FARP1: variants seen among roughly 807,000 people sequenced by gnomAD.
FARP1 encodes the protein FERM, ARH/RhoGEF and pleckstrin domain protein 1.
A neutral mutation model predicts 128.8 loss-of-function variants in FARP1; 52 were observed. That is an observed-to-expected ratio of 0.40 (90% CI 0.32 to 0.51). FARP1 has a LOEUF of 0.51. Among genes scored for constraint, FARP1 ranks in the 20% least tolerant of loss-of-function variants. FARP1 has a pLI of 0.45. For missense variants in FARP1, 1,333 were observed against 1,367.9 expected, an observed-to-expected ratio of 0.97 and a Z score of 0.40; for synonymous variants, 580 against 551.8, an observed-to-expected ratio of 1.05 and a Z score of -0.72.
intron 2 of FARP1, among the ~76,000 whole-genome samples, chr13:98,232,144 G>GTTTTTTTTTTTTTTTTTTTT (rs1555329634): frequency 2.2e-4 from 25 of 111,672 alleles, no homozygotes; most frequent in East Asian, 1.3e-3. Flanking sequence ...TTGTTTGGTT[G>GTTTTTTTTTTTTTTTTTTTT]GTTTTTTTTT....
rs576977679 is a variant in FARP1, at chr13:98,309,401, C to T, written c.172-34361C>T. 1.3e-4 allele frequency among the ~76,000 whole-genome samples: 19 copies of T among 150,734 alleles called. No homozygotes were observed. The East Asian group carries it at 3.6e-3, about 29-fold the overall frequency. Reference sequence around the variant, plus strand: ...AGCCAGGATGGTCTCGATCTCCTGACCTCGTGATCCGCCCGCCTCGGCCTC... The same window carrying T: ...AGCCAGGATGGTCTCGATCTCCTGATCTCGTGATCCGCCCGCCTCGGCCTC... On this transcript the variant is annotated intron_variant, in intron 2 of 26. Transcript: ENST00000319562.
chr13:98,306,541 A>T (rs545169789), intron 2 of FARP1, among the ~76,000 whole-genome samples: 28 of 151,246 alleles, frequency 1.9e-4, no homozygotes, highest in African/African-American at 6.6e-4. Context: ...TTGAGAAAGG[A>T]TCTCACTCTG....
chr13:98,233,615 C>A (rs1882266271), intron 2 of FARP1: 2 of 152,184 alleles, frequency 1.3e-5, no homozygotes, highest in Non-Finnish European at 1.5e-5. Context: ...AGCTTCTATG[C>A]ATGTGAAGAA....
intron 6 of FARP1, among the ~76,000 whole-genome samples, chr13:98,380,239 G>T (rs917507169): frequency 6.6e-6 from 1 of 152,036 alleles, no homozygotes; most frequent in African/African-American, 2.4e-5. Flanking sequence ...TTGAGGTCAG[G>T]AGTTCGTGAC....
intron 2 of FARP1, among the ~76,000 whole-genome samples, chr13:98,286,449 C>T (rs1051849234): frequency 6.6e-6 from 1 of 152,194 alleles, no homozygotes; most frequent in African/African-American, 2.4e-5. Context: ...CTCTCCCATA[C>T]TGTTCTCATG....
intron 2 of FARP1, among the ~76,000 whole-genome samples, chr13:98,268,127 A>G (rs894329690): frequency 6.6e-6 from 1 of 152,152 alleles, no homozygotes; most frequent in Non-Finnish European, 1.5e-5. Flanking sequence ...AAAGAAGGCT[A>G]TTTTGGGGAC....
At chr13:98,239,219 C>A (rs973076079) in intron 2 of FARP1, among the ~76,000 whole-genome samples, 1 of 152,154 alleles carries the variant, frequency 6.6e-6, no homozygotes, top group Non-Finnish European at 1.5e-5. Context: ...GGAACAAGTG[C>A]CGGTTTACGC....
intron 2 of FARP1, among the ~76,000 whole-genome samples, chr13:98,275,828 T>C (rs1884630410): frequency 6.6e-6 from 1 of 152,232 alleles, no homozygotes; most frequent in Admixed American, 6.5e-5. Context: ...GGCAGCAGCA[T>C]GATTTGTGTA....
At chr13:98,382,435 G>A (rs1241850591) in intron 6 of FARP1, 1 of 152,164 alleles carries the variant, frequency 6.6e-6, no homozygotes, top group African/African-American at 2.4e-5. Flanking sequence ...TGATGCCAAA[G>A]GAAAAACTGG....
At chr13:98,294,844 C>T (rs1189266592) in intron 2 of FARP1, among the ~76,000 whole-genome samples, 2 of 151,878 alleles carry the variant, frequency 1.3e-5, no homozygotes, top group Admixed American at 6.6e-5. Flanking sequence ...TGATGAAACC[C>T]CGTCTCTACT....
intron 2 of FARP1, among the ~76,000 whole-genome samples, chr13:98,318,024 T>TTCC (rs1168779087): frequency 6.7e-6 from 1 of 149,232 alleles, no homozygotes; most frequent in African/African-American, 2.5e-5. Context: ...CATCTCCTTC[T>TTCC]TCCTCCTCCT....
In FARP1 at chr13:98,393,637, T is replaced by C. The variant is rs1358724331; in HGVS notation, c.1089-6T>C. 1 of 1,612,036 alleles carries C rather than the reference T, an allele frequency of 6.2e-7. No homozygotes were observed. The highest frequency in any genetic ancestry group is 1.1e-5 in the South Asian group (1 of 91,006). Reference sequence around the variant, plus strand: ...AACTTTAATGATCTTGTGTGATTTTTCCCAGGAAGCACAGCAAGATTCATT... The same window carrying C: ...AACTTTAATGATCTTGTGTGATTTTCCCCAGGAAGCACAGCAAGATTCATT... On this transcript the variant is annotated splice_region_variant and splice_polypyrimidine_tract_variant and intron_variant, in intron 11 of 26. Transcript: ENST00000319562.
intron 2 of FARP1, chr13:98,244,839 G>A: frequency 6.8e-7 from 1 of 1,466,084 alleles, no homozygotes; most frequent in Non-Finnish European, 9.0e-7. Context: ...GGTAGGAGTA[G>A]ATACAGATGT....
At chr13:98,171,848 T>A (rs1402755355) in intron 1 of FARP1, among the ~76,000 whole-genome samples, 1 of 152,188 alleles carries the variant, frequency 6.6e-6, no homozygotes, top group Non-Finnish European at 1.5e-5. Flanking sequence ...ATTTTTGAGT[T>A]GACCATTCAG....
At chr13:98,375,394 A>G (rs1221169167) in intron 5 of FARP1, among the ~76,000 whole-genome samples, 2 of 152,178 alleles carry the variant, frequency 1.3e-5, no homozygotes, top group Admixed American at 6.5e-5. Flanking sequence ...TTTTTTGCCA[A>G]ATACTTGAGG....
intron 2 of FARP1, among the ~76,000 whole-genome samples, chr13:98,235,258 A>G (rs1033324553): frequency 2.0e-5 from 3 of 152,202 alleles, no homozygotes; most frequent in African/African-American, 7.2e-5. Context: ...CCAGAGCCAC[A>G]TAAGTTTCAT....
chr13:98,145,861 C>CAAAAAAAA (rs140525790), intron 1 of FARP1, among the ~76,000 whole-genome samples: 1 of 131,218 alleles, frequency 7.6e-6, no homozygotes. Flanking sequence ...GACTCTGTCT[C>CAAAAAAAA]AAAAAAAAAA....
At chr13:98,434,705 A>C (rs1275615484) in intron 18 of FARP1, 3 of 152,186 alleles carry the variant, frequency 2.0e-5, no homozygotes, top group Non-Finnish European at 4.4e-5. Flanking sequence ...CCTCTATCGA[A>C]AAATAAAGGC....
chr13:98,436,347 T>C (rs1277562051), intron 19 of FARP1, among the ~76,000 whole-genome samples: 1 of 152,084 alleles, frequency 6.6e-6, no homozygotes, highest in Non-Finnish European at 1.5e-5. Flanking sequence ...AAGCCTGCCT[T>C]CTCCACTTCC....
Sources: gnomAD v4.1 joint callset for allele counts (sites outside exome capture counted in the v4.1 genomes callset) on GRCh38, gnomAD v4.1.1 for gene constraint, MANE v1.5 for transcripts, NCBI Gene and HGNC (gene_info 2026-07-23, HGNC 2026-07-21) for gene names.